AUTS2: variants seen among roughly 807,000 people sequenced by gnomAD.
AUTS2 encodes autism susceptibility gene 2 protein.
Under a neutral mutation model 112.4 loss-of-function variants are expected in AUTS2, and 17 were observed. The ratio of observed to expected loss-of-function variants is 0.15; its 90% confidence interval spans 0.10 to 0.23. The LOEUF (loss-of-function observed/expected upper bound fraction) is 0.23, where lower values mean the gene tolerates loss of function less well. Ranked by LOEUF, AUTS2 falls within the 10% of genes least tolerant of loss-of-function variation. The pLI is 1.00. For missense variants in AUTS2, 1,510 were observed against 1,701.6 expected (o/e 0.89, Z 1.98); for synonymous variants, 751 against 702.7 (o/e 1.07, Z -1.09).
chr7:70,547,640 T>C (rs1486422004), intron 5 of AUTS2, among the ~76,000 whole-genome samples: 1 of 152,244 alleles, frequency 6.6e-6, no homozygotes, highest in African/African-American at 2.4e-5. Flanking sequence ...CCATAATTTG[T>C]TTCCGTTAAT....
chr7:70,516,166 T>G (rs903114500), intron 5 of AUTS2, among the ~76,000 whole-genome samples: 6 of 152,208 alleles, frequency 3.9e-5, no homozygotes, highest in Non-Finnish European at 8.8e-5. Flanking sequence ...GAGACAGTAA[T>G]GTATGTCGTA....
chr7:70,211,232 A>C (rs1810867549), intron 4 of AUTS2, among the ~76,000 whole-genome samples: 1 of 152,058 alleles, frequency 6.6e-6, no homozygotes, highest in Non-Finnish European at 1.5e-5. Context: ...CCTTATAAAC[A>C]GACATATCAA....
intron 2 of AUTS2, among the ~76,000 whole-genome samples, chr7:70,110,080 A>G (rs1241775063): frequency 6.6e-6 from 1 of 152,204 alleles, no homozygotes; most frequent in East Asian, 1.9e-4. Context: ...GCAGTAGAAC[A>G]TTGTTAAGTT....
chr7:70,752,836 G>T (rs1237537576), intron 6 of AUTS2, among the ~76,000 whole-genome samples: 1 of 152,114 alleles, frequency 6.6e-6, no homozygotes, highest in South Asian at 2.1e-4. Flanking sequence ...TTGTGGCTCT[G>T]TTTGCTTGAG....
intron 2 of AUTS2, among the ~76,000 whole-genome samples, chr7:69,938,190 A>G (rs955695673): frequency 6.6e-6 from 1 of 152,256 alleles, no homozygotes; most frequent in Non-Finnish European, 1.5e-5. Context: ...TAGTCTAAGC[A>G]TGAAAGACCT....
At chr7:69,694,435 C>T (rs1282028066) in intron 1 of AUTS2, among the ~76,000 whole-genome samples, 1 of 151,924 alleles carries the variant, frequency 6.6e-6, no homozygotes, top group African/African-American at 2.4e-5. Flanking sequence ...AGTTTGGGTT[C>T]TGAGTGAAAA....
At chr7:69,742,653 A>G (rs965582564) in intron 1 of AUTS2, among the ~76,000 whole-genome samples, 2 of 152,098 alleles carry the variant, frequency 1.3e-5, no homozygotes, top group African/African-American at 4.8e-5. Context: ...GAGTTCTATC[A>G]CTCGCTAGTT....
Position 70,499,429 on chromosome 7 carries a change from C to T in AUTS2, c.690+63648C>T, listed in dbSNP as rs568716413. ...CTAAGAGTGCAGTCCTCCAGGATGG[C>T]CGGGGAACTGGGAACAACATGGAAG... is the stretch of plus-strand genomic sequence containing the variant. On this transcript the variant is annotated intron_variant, in intron 5 of 18. Coordinates refer to ENST00000342771, the MANE Select transcript of AUTS2 (RefSeq NM_015570.4). Among the ~76,000 whole-genome samples, 12 of 152,278 alleles carry T rather than the reference C, an allele frequency of 7.9e-5. No homozygotes were observed. The South Asian group carries it at 2.5e-3, about 32-fold the overall frequency.
intron 1 of AUTS2, among the ~76,000 whole-genome samples, chr7:69,737,484 A>G (rs1364628442): frequency 6.6e-6 from 1 of 152,112 alleles, no homozygotes; most frequent in Non-Finnish European, 1.5e-5. Context: ...TGCTTGGGCT[A>G]GCATTTTTGC....
intron 4 of AUTS2, among the ~76,000 whole-genome samples, chr7:70,374,388 CA>C (rs1213824217): frequency 6.6e-6 from 1 of 151,948 alleles, no homozygotes; most frequent in East Asian, 1.9e-4. Flanking sequence ...TTTTCTTTAC[CA>C]ATTGCTATAT....
intron 2 of AUTS2, among the ~76,000 whole-genome samples, chr7:70,030,812 GA>G (rs1800741632): frequency 6.6e-6 from 1 of 152,078 alleles, no homozygotes; most frequent in South Asian, 2.1e-4. Flanking sequence ...GGCTTTCACA[GA>G]AAGACCTAGT....
At chr7:70,234,303 T>A (rs1385165764) in intron 4 of AUTS2, among the ~76,000 whole-genome samples, 1 of 152,206 alleles carries the variant, frequency 6.6e-6, no homozygotes, top group Non-Finnish European at 1.5e-5. Context: ...ATTATTTAAT[T>A]TTTTTAGAAC....
chr7:69,959,977 AT>A (rs964479887), intron 2 of AUTS2, among the ~76,000 whole-genome samples: 3 of 150,680 alleles, frequency 2.0e-5, no homozygotes, highest in African/African-American at 7.3e-5. Flanking sequence ...CTCTAGGCCT[AT>A]TTTTTTTTAA....
intron 5 of AUTS2, among the ~76,000 whole-genome samples, chr7:70,669,207 G>A (rs2129543772): frequency 1.3e-5 from 2 of 152,336 alleles, no homozygotes; most frequent in South Asian, 2.1e-4. Flanking sequence ...GGATTCCCGA[G>A]TCAGGCTCAC....
At chr7:70,345,984 C>T (rs768572990) in intron 4 of AUTS2, among the ~76,000 whole-genome samples, 10 of 151,670 alleles carry the variant, frequency 6.6e-5, no homozygotes, top group Non-Finnish European at 1.2e-4. Context: ...TTTTTTTTCA[C>T]CTGGCTGTCA....
intron 2 of AUTS2, among the ~76,000 whole-genome samples, chr7:70,074,885 T>G (rs1802954761): frequency 6.6e-6 from 1 of 152,224 alleles, no homozygotes; most frequent in Non-Finnish European, 1.5e-5. Flanking sequence ...TGAACCAATC[T>G]TGGCAGGTAT....
intron 4 of AUTS2, among the ~76,000 whole-genome samples, chr7:70,380,287 T>C (rs555609054): frequency 3.3e-5 from 5 of 152,258 alleles, no homozygotes; most frequent in South Asian, 4.1e-4. Flanking sequence ...TTTGCTCAAA[T>C]AGAGACCAAA....
chr7:69,832,236 A>G (rs1271663334), intron 1 of AUTS2, among the ~76,000 whole-genome samples: 1 of 152,134 alleles, frequency 6.6e-6, no homozygotes, highest in Admixed American at 6.5e-5. Flanking sequence ...TTCTTTAATA[A>G]CAACAGTGTT....
At chr7:70,606,639 T>C (rs1268897684) in intron 5 of AUTS2, among the ~76,000 whole-genome samples, 1 of 152,106 alleles carries the variant, frequency 6.6e-6, no homozygotes, top group Non-Finnish European at 1.5e-5. Flanking sequence ...GGCAGGCAGA[T>C]CGCCTGAGGT....
Sources: gnomAD v4.1 joint callset for allele counts (sites outside exome capture counted in the v4.1 genomes callset) on GRCh38, gnomAD v4.1.1 for gene constraint, MANE v1.5 for transcripts, NCBI Gene and HGNC (gene_info 2026-07-23, HGNC 2026-07-21) for gene names.